The following PHACTR2 variants were observed in gnomAD, a reference collection of about 807,000 sequenced individuals.
The protein encoded by PHACTR2 is chromosome 6 open reading frame 56.
A neutral mutation model predicts 76.0 loss-of-function variants in PHACTR2; 30 were observed. The ratio of observed to expected loss-of-function variants is 0.39; its 90% CI spans 0.30 to 0.54. The LOEUF is 0.54. Among genes scored for constraint, PHACTR2 ranks in the 20% least tolerant of loss-of-function variants. The pLI, the probability that PHACTR2 is intolerant of heterozygous loss-of-function variation, is 0.61. For synonymous variants in PHACTR2, 292 were observed against 292.5 expected (o/e 1.00, Z 0.02); for missense variants, 696 against 781.1 (o/e 0.89, Z 1.30).
intron 11 of PHACTR2, among the ~76,000 whole-genome samples, chr6:143,790,650 G>C (rs987670329): frequency 6.6e-6 from 1 of 150,648 alleles, no homozygotes; most frequent in African/African-American, 2.4e-5. Flanking sequence ...AGTTATGTAT[G>C]TTGCAAATAT....
At chr6:143,752,995 G>A (rs952767786) in intron 3 of PHACTR2, among the ~76,000 whole-genome samples, 1 of 151,718 alleles carries the variant, frequency 6.6e-6, no homozygotes, top group Non-Finnish European at 1.5e-5. Flanking sequence ...TTATGATTTA[G>A]ATCTCTCAAC....
rs1004030007 is a variant in PHACTR2 at position 143,557,890 on chromosome 6, A to G, written c.217+20683A>G. On this transcript the variant is annotated intron_variant, in intron 1 of 11. Coordinates refer to the PHACTR2 transcript ENST00000367584. This position sits in a 1 kb window ranked among gnomAD's most constrained non-coding sequence, Gnocchi z 5.5. The stretch of plus-strand genomic sequence containing the variant: ...ACGGAATAAGCTGGAACCATCTTCC[A>G]TGAGAATTGTGCTTTTTTTCCCCCT... 1.3e-5 allele frequency: 2 copies of G among 152,234 alleles called. No individual in the cohort carries two copies. Among genetic ancestry groups the G allele is most frequent in the African/African-American group, 4.8e-5 (2 of 41,440 alleles). The allele number at this position is 152,234 out of a possible 1,614,324, so 9.4% of individuals were successfully genotyped here.
At chr6:143,670,298 G>A (rs1332400334) in intron 1 of PHACTR2, among the ~76,000 whole-genome samples, 1 of 152,140 alleles carries the variant, frequency 6.6e-6, no homozygotes, top group African/African-American at 2.4e-5. Flanking sequence ...TTCAACCCTA[G>A]TGAATCTGAT....
At chr6:143,797,413 A>C (rs1307102871) in intron 11 of PHACTR2, among the ~76,000 whole-genome samples, 1 of 152,210 alleles carries the variant, frequency 6.6e-6, no homozygotes, top group Non-Finnish European at 1.5e-5. Context: ...TCTTCAGTTT[A>C]ATTAGATCCC....
intron 1 of PHACTR2, among the ~76,000 whole-genome samples, chr6:143,584,760 G>A (rs6924719): frequency 0.3 from 46,165 of 151,982 alleles, 7,155 homozygotes; most frequent in Middle Eastern, 0.44. Context: ...AGCCACTGCT[G>A]TCATGAGGAG....
In PHACTR2 at chr6:143,625,010, G is replaced by A. The variant is rs961184811; in HGVS notation, c.13+16688G>A. Among the ~76,000 whole-genome samples the A allele has an allele frequency of 6.6e-6, 1 of 152,044 alleles. No individual in the cohort carries two copies. Among genetic ancestry groups the A allele is most frequent in the African/African-American group, 2.4e-5 (1 of 41,392 alleles). On this transcript the variant is annotated intron_variant, in intron 1 of 11. Coordinates refer to the PHACTR2 transcript ENST00000305766. This position sits in a 1 kb window ranked among gnomAD's most constrained non-coding sequence, Gnocchi z 4.3. The stretch of plus-strand genomic sequence containing the variant: ...GTATCTACTGAAAATAGAAAAATTA[G>A]CTGAGCGTGGTGGTGCATGCCTGTA...
At chr6:143,704,594 A>T (rs1260020821) in intron 1 of PHACTR2, among the ~76,000 whole-genome samples, 2 of 152,186 alleles carry the variant, frequency 1.3e-5, no homozygotes, top group African/African-American at 4.8e-5. Context: ...GTACAGAGAG[A>T]TCTTATATCA....
At position 143,580,177 on chromosome 6, in the gene PHACTR2, C is replaced by A. The variant is rs1213528527; in HGVS notation, c.217+42970C>A. Among the ~76,000 whole-genome samples, 1 of 152,140 alleles carries A rather than the reference C, an allele frequency of 6.6e-6. No homozygotes were observed. The highest frequency in any genetic ancestry group is 2.1e-4 in the South Asian group (1 of 4,824). ...TAGCTTCGTCTCAAAAGTGATATCC[C>A]ATCCCTTTAGAAGGGAGTCAACTTG... On this transcript the variant is annotated intron_variant, in intron 1 of 11. Transcript: ENST00000367584. The surrounding 1 kb of genome is among the most constrained non-coding windows in gnomAD (Gnocchi z 4.2).
In PHACTR2 at chr6:143,712,008, T is replaced by C; in HGVS notation, c.47-8T>C. The C allele has an allele frequency of 3.8e-6, 6 of 1,599,666 alleles. No individual in the cohort carries two copies. In the South Asian group the frequency reaches 6.8e-5, roughly 18 times the overall value. ...AACCTTTCTCTGTCTATATCTTTCT[T>C]TATACAGTTGACGGACTGGACAAAG... On this transcript the variant is annotated splice_region_variant and splice_polypyrimidine_tract_variant and intron_variant, in intron 1 of 12. Coordinates refer to ENST00000440869, the MANE Select transcript of PHACTR2 (RefSeq NM_001100164.2).
At position 143,548,676 on chromosome 6, in the gene PHACTR2, C is replaced by A. The variant is rs1214410274; in HGVS notation, c.217+11469C>A. Among the ~76,000 whole-genome samples the A allele has an allele frequency of 6.6e-6, 1 of 151,862 alleles. No individual in the cohort carries two copies. Among genetic ancestry groups the A allele is most frequent in the African/African-American group, 2.4e-5 (1 of 41,360 alleles). ...TGAGAGGTGGGGGACTGGGAAAACA[C>A]AACAAAAGCATTCATTACCTCCTTG... On this transcript the variant is annotated intron_variant, in intron 1 of 11. Coordinates refer to the PHACTR2 transcript ENST00000367584. This position sits in a 1 kb window ranked among gnomAD's most constrained non-coding sequence, Gnocchi z 4.5.
At chr6:143,568,019 C>T (rs547190149) in intron 1 of PHACTR2, among the ~76,000 whole-genome samples, 48 of 152,254 alleles carry the variant, frequency 3.2e-4, no homozygotes, top group African/African-American at 1.0e-3. Context: ...TAATCACATA[C>T]GCAATTTTAC....
At chr6:143,545,355 T>G (rs2128426747) in intron 1 of PHACTR2, among the ~76,000 whole-genome samples, 1 of 152,312 alleles carries the variant, frequency 6.6e-6, no homozygotes, top group East Asian at 1.9e-4. Flanking sequence ...AAGGAAGTCA[T>G]AAGTGTCAGT....
Position 143,795,454 on chromosome 6 carries a change from T to C in PHACTR2, c.1845+6544T>C, listed in dbSNP as rs760744319. Among the ~76,000 whole-genome samples, 1 of 152,226 alleles carries C rather than the reference T, an allele frequency of 6.6e-6. No individual in the cohort carries two copies. ...CAAAATAAAATTTTCAGTTTTAGAA[T>C]ATATGTACTTAGAGCACTAGAAACA... is the stretch of plus-strand genomic sequence containing the variant. On this transcript the variant is annotated intron_variant, in intron 11 of 12. Coordinates refer to ENST00000440869, the MANE Select transcript of PHACTR2 (RefSeq NM_001100164.2). The surrounding 1 kb of genome is among the most constrained non-coding windows in gnomAD (Gnocchi z 4.8).
chr6:143,723,192 C>T (rs1290676150), intron 2 of PHACTR2, among the ~76,000 whole-genome samples: 1 of 152,146 alleles, frequency 6.6e-6, no homozygotes, highest in Admixed American at 6.5e-5. Context: ...AATGGCTTTT[C>T]CCATTTCTTT....
At chr6:143,790,360 A>G (rs1398587131) in intron 11 of PHACTR2, among the ~76,000 whole-genome samples, 1 of 152,150 alleles carries the variant, frequency 6.6e-6, no homozygotes, top group Non-Finnish European at 1.5e-5. Flanking sequence ...AAAAGTCAGT[A>G]ACTGATAGCG....
chr6:143,604,460 T>G (rs1013037104), upstream of PHACTR2, among the ~76,000 whole-genome samples: 1 of 152,170 alleles, frequency 6.6e-6, no homozygotes, highest in Non-Finnish European at 1.5e-5. Flanking sequence ...CTCCATAGAA[T>G]CCATCTGAAC....
At position 143,557,231 on chromosome 6, in the gene PHACTR2, G is replaced by C. The variant is rs1009889104; in HGVS notation, c.217+20024G>C. On this transcript the variant is annotated intron_variant, in intron 1 of 11. Transcript: ENST00000367584. The surrounding 1 kb of genome is among the most constrained non-coding windows in gnomAD (Gnocchi z 5.5). ...CTAGTATTGCAGAGAAGTTTAAAAG[G>C]ATTCTCATCTCTCAACCATATTTCA... Among the ~76,000 whole-genome samples, 1 of 152,166 alleles carries C rather than the reference G, an allele frequency of 6.6e-6. No individual in the cohort carries two copies. Among genetic ancestry groups the C allele is most frequent in the Admixed American group, 6.5e-5 (1 of 15,282 alleles).
rs1014140644 is a variant in PHACTR2, at chr6:143,742,769, C to T, written c.215-6216C>T. 2.0e-5 allele frequency among the ~76,000 whole-genome samples: 3 copies of T among 152,066 alleles called. No homozygotes were observed. The highest frequency in any genetic ancestry group is 2.9e-5 in the Non-Finnish European group (2 of 68,022). ...TTAGGTCCCCAATATCTACTCTGTG[C>T]GATATATTATTTTGGGCATTATGGG... On this transcript the variant is annotated intron_variant, in intron 2 of 12. Coordinates refer to ENST00000440869, the MANE Select transcript of PHACTR2 (RefSeq NM_001100164.2). This position sits in a 1 kb window ranked among gnomAD's most constrained non-coding sequence, Gnocchi z 4.5.
upstream of PHACTR2, among the ~76,000 whole-genome samples, chr6:143,607,329 C>CT (rs1775892739): frequency 1.3e-5 from 2 of 152,214 alleles, no homozygotes; most frequent in South Asian, 4.1e-4. Flanking sequence ...GCCACGAGGC[C>CT]TGGCACCTGA....
Sources: gnomAD v4.1 joint callset for allele counts (sites outside exome capture counted in the v4.1 genomes callset) on GRCh38, gnomAD v4.1.1 for gene constraint, Gnocchi (gnomAD v3.1) non-coding constraint, MANE v1.5 for transcripts, NCBI Gene and HGNC (gene_info 2026-07-23, HGNC 2026-07-21) for gene names.